The following SLIT2 variants were observed in gnomAD, a reference collection of about 807,000 sequenced individuals.
SLIT2 encodes the protein slit homolog 2 protein.
Under a neutral mutation model 185.7 loss-of-function variants are expected in SLIT2, and 41 were observed. The observed-to-expected ratio is 0.22, with a 90% confidence interval of 0.17 to 0.29. The LOEUF is 0.29. SLIT2 is among the 10% of genes least tolerant of loss of function. SLIT2 has a pLI of 1.00. For missense variants in SLIT2, 1,571 were observed against 1,909.0 expected (o/e 0.82, Z 3.30); for synonymous variants, 693 against 680.2 (o/e 1.02, Z -0.29).
chr4:20,252,134 C>T lies in SLIT2; in HGVS notation c.-1682C>T, dbSNP rs185396373. ...AGCAGAAAGGGGAGCGCCGGGGGCCCGCAGCCGGCTCCGGAGGCGCGGGCC... is the reference window on the plus strand; with the variant it reads ...AGCAGAAAGGGGAGCGCCGGGGGCCTGCAGCCGGCTCCGGAGGCGCGGGCC... On this transcript the variant is annotated 5_prime_UTR_variant, in exon 1 of 37. Transcript: ENST00000504154. Among the ~76,000 whole-genome samples, 6,155 of 150,976 alleles carry T rather than the reference C, an allele frequency of 0.041. 165 individuals are homozygous for T. Among genetic ancestry groups the T allele is most frequent in the Middle Eastern group, 0.092 (26 of 284 alleles).
chr4:20,252,520 A>G lies in SLIT2; in HGVS notation c.-1296A>G, dbSNP rs76328956. On this transcript the variant is annotated 5_prime_UTR_variant, in exon 1 of 37. Coordinates refer to ENST00000504154, the MANE Select transcript of SLIT2 (RefSeq NM_004787.4). Reference sequence around the variant, plus strand: ...CCGCCACTGTGGCCTTGGGGGACGGAATTCAAAGCCTGGGAAAAGTTGCTG... The same window carrying G: ...CCGCCACTGTGGCCTTGGGGGACGGGATTCAAAGCCTGGGAAAAGTTGCTG... Among the ~76,000 whole-genome samples the G allele has an allele frequency of 0.043, 6,588 of 152,124 alleles. 351 individuals carry two copies. Among genetic ancestry groups the G allele is most frequent in the African/African-American group, 0.11 (4,762 of 41,518 alleles).
intron 4 of SLIT2, among the ~76,000 whole-genome samples, chr4:20,428,306 C>T (rs16869586): frequency 0.025 from 3,817 of 152,268 alleles, 107 homozygotes; most frequent in African/African-American, 0.07. Context: ...CCACTCAGGG[C>T]GAGATGGAGC....
chr4:20,253,023 T>G lies in SLIT2; in HGVS notation c.-793T>G, dbSNP rs1722160788. Among the ~76,000 whole-genome samples the G allele has an allele frequency of 1.3e-5, 2 of 151,970 alleles. No homozygotes were observed. Among genetic ancestry groups the G allele is most frequent in the Non-Finnish European group, 2.9e-5 (2 of 67,976 alleles). ...CTTTTCTGCGTGACCTCGGGGCAGG[T>G]CCTGGTGCAGAGCGTCGCCAAGGAC... On this transcript the variant is annotated 5_prime_UTR_variant, in exon 1 of 37. Transcript: ENST00000504154.
chr4:20,299,653 T>C (rs9991762), intron 4 of SLIT2, among the ~76,000 whole-genome samples: 56,007 of 139,388 alleles, frequency 0.4, 10,871 homozygotes, highest in African/African-American at 0.48. Flanking sequence ...TTGCCTTTTT[T>C]TGTTTTTTTT....
At chr4:20,553,735 TTGTGTGTG>T (rs3830489) in intron 25 of SLIT2, 62 bp from the exon 26 acceptor site, 4 of 1,119,564 alleles carry the variant, frequency 3.6e-6, no homozygotes, top group Non-Finnish European at 4.7e-6. Flanking sequence ...ACTTCCATAC[TTGTGTGTG>T]TGTGTGTGTG....
intron 29 of SLIT2, among the ~76,000 whole-genome samples, chr4:20,580,127 C>T (rs2148933234): frequency 6.7e-6 from 1 of 148,578 alleles, no homozygotes; most frequent in East Asian, 2.0e-4. Flanking sequence ...GTGGCATGAT[C>T]TCAGCTCACT....
rs1713440321 is a variant in SLIT2 at position 20,459,327 on chromosome 4, C to A, written c.396-8425C>A. 2.0e-5 allele frequency among the ~76,000 whole-genome samples: 3 copies of A among 151,970 alleles called. No individual in the cohort carries two copies. The South Asian group carries it at 6.2e-4, about 32-fold the overall frequency. On this transcript the variant is annotated intron_variant, in intron 4 of 36. Coordinates refer to ENST00000504154, the MANE Select transcript of SLIT2 (RefSeq NM_004787.4). Reference sequence around the variant, plus strand: ...AGTCAAGGTGGTGATAAAAACATACCCTGAAAGAAACAGAATTATCATAAA... The same window carrying A: ...AGTCAAGGTGGTGATAAAAACATACACTGAAAGAAACAGAATTATCATAAA...
At chr4:20,462,961 C>T (rs1713895876) in intron 4 of SLIT2, among the ~76,000 whole-genome samples, 1 of 152,174 alleles carries the variant, frequency 6.6e-6, no homozygotes, top group South Asian at 2.1e-4. Context: ...CATCACCTCT[C>T]TAGTCCCTAC....
At chr4:20,443,582 TAAA>T (rs71653885) in intron 4 of SLIT2, among the ~76,000 whole-genome samples, 635 of 63,038 alleles carry the variant, frequency 0.01, 4 homozygotes, top group African/African-American at 0.033. Context: ...GGAGAAAATC[TAAA>T]AAAAAAAAAA....
At chr4:20,547,084 C>A (rs1477570252) in intron 22 of SLIT2, among the ~76,000 whole-genome samples, 1 of 152,058 alleles carries the variant, frequency 6.6e-6, no homozygotes, top group Non-Finnish European at 1.5e-5. Context: ...GTTAAAATTG[C>A]TGCTGATCAC....
At chr4:20,558,322 C>G (rs1377233045) in intron 26 of SLIT2, among the ~76,000 whole-genome samples, 16 of 151,958 alleles carry the variant, frequency 1.1e-4, no homozygotes, top group Admixed American at 1.1e-3. Context: ...TACAGCCACC[C>G]CAACCTTCAG....
At chr4:20,419,735 T>TA (rs1321937419) in intron 4 of SLIT2, among the ~76,000 whole-genome samples, 32 of 149,074 alleles carry the variant, frequency 2.1e-4, no homozygotes, top group Non-Finnish European at 3.7e-4. Flanking sequence ...CAGTGACTGT[T>TA]ATAGAGTAGA....
intron 4 of SLIT2, among the ~76,000 whole-genome samples, chr4:20,309,758 C>CT (rs1553876753): frequency 0.027 from 743 of 27,888 alleles, 5 homozygotes; most frequent in African/African-American, 0.043. Context: ...GTCTTTCTTT[C>CT]TTTTTTTTTT....
chr4:20,469,846 C>T (rs1472182919), intron 5 of SLIT2, among the ~76,000 whole-genome samples: 1 of 151,078 alleles, frequency 6.6e-6, no homozygotes, highest in African/African-American at 2.4e-5. Context: ...ACCTCCACCC[C>T]CCGGGTTCAA....
rs1320657766 is a variant in SLIT2 at position 20,518,113 on chromosome 4, A to T, written c.1059-1269A>T. Among the ~76,000 whole-genome samples, 3 of 142,984 alleles carry T rather than the reference A, an allele frequency of 2.1e-5. No individual in the cohort carries two copies. The East Asian group carries it at 6.0e-4, about 28-fold the overall frequency. The allele number at this position is 142,984 out of a possible 152,430, so 93.8% of individuals were successfully genotyped here. On this transcript the variant is annotated intron_variant, in intron 11 of 36. Coordinates refer to ENST00000504154, the MANE Select transcript of SLIT2 (RefSeq NM_004787.4). ...TATATATACACACACATATATATAC[A>T]TATACATATATATACATATACATAT... is the stretch of plus-strand genomic sequence containing the variant.
chr4:20,287,010 T>G (rs1166309546), intron 4 of SLIT2, among the ~76,000 whole-genome samples: 1 of 152,200 alleles, frequency 6.6e-6, no homozygotes, highest in Non-Finnish European at 1.5e-5. Context: ...CTAGGGCTAG[T>G]AAATAATAAA....
intron 34 of SLIT2, among the ~76,000 whole-genome samples, chr4:20,613,911 G>A (rs1729438018): frequency 6.6e-6 from 1 of 152,010 alleles, no homozygotes; most frequent in African/African-American, 2.4e-5. Flanking sequence ...CGCTCTTGTT[G>A]CCCAGGCTGG....
rs774075011 is a variant in SLIT2, at chr4:20,523,847, C to T, written c.1218C>T (p.Asn406=). ...HNLNLLSLYD[N]KLQTIAKGTF... ...TGAACCTTCTCTCCCTATATGACAA[C>T]AAGCTTCAGACCATCGCCAAGGGGA... The change falls in exon 13 of 37, where the codon AAC becomes AAT. Residue 406 remains asparagine (N), a synonymous_variant. Transcript: ENST00000504154. The T allele has an allele frequency of 6.2e-7, 1 of 1,613,938 alleles. No individual in the cohort carries two copies. The highest frequency in any genetic ancestry group is 8.5e-7 in the Non-Finnish European group (1 of 1,179,818).
chr4:20,532,209 C>T (rs1274420332), intron 17 of SLIT2, 151 bp downstream of exon 17: 4 of 571,284 alleles, frequency 7.0e-6, no homozygotes, highest in Non-Finnish European at 1.2e-5. Context: ...GTAATCTCTG[C>T]AAGGGACTTT....
Sources: allele counts gnomAD v4.1 joint callset (sites outside exome capture counted in the v4.1 genomes callset), GRCh38; gene constraint gnomAD v4.1.1; transcripts MANE v1.5; gene names NCBI Gene and HGNC (gene_info 2026-07-23, HGNC 2026-07-21).